Variants in TRAPPC9 observed in about 807,000 individuals in gnomAD.
The protein encoded by TRAPPC9 is trafficking protein particle complex subunit 9.
In TRAPPC9, 83 loss-of-function variants were observed where a neutral mutation model predicts 124.0. The observed-to-expected ratio is 0.67, with a 90% CI of 0.56 to 0.80. The LOEUF (loss-of-function observed/expected upper bound fraction) is 0.80, where lower values mean the gene tolerates loss of function less well. Among genes scored for constraint, TRAPPC9 ranks in the 30% least tolerant of loss-of-function variants. The pLI is 0.00. For missense variants in TRAPPC9, 1,302 were observed against 1,508.3 expected (o/e 0.86, Z 2.27); for synonymous variants, 638 against 617.5 (o/e 1.03, Z -0.49).
At chr8:139,804,084 G>GCACCACCACCACCACT (rs1347527243) in intron 21 of TRAPPC9, among the ~76,000 whole-genome samples, 1 of 130,504 alleles carries the variant, frequency 7.7e-6, no homozygotes, top group Admixed American at 7.6e-5. Flanking sequence ...CCACCACGAC[G>GCACCACCACCACCACT]CACCACCACC....
chr8:140,278,775 C>T (rs192032556), intron 14 of TRAPPC9, among the ~76,000 whole-genome samples: 1 of 152,344 alleles, frequency 6.6e-6, no homozygotes, highest in South Asian at 2.1e-4. Context: ...TGGGCACCCG[C>T]GACTCCCATC....
chr8:140,403,306 T>G (rs2069346392), intron 6 of TRAPPC9, among the ~76,000 whole-genome samples: 1 of 152,068 alleles, frequency 6.6e-6, no homozygotes. Context: ...GGCTCGCACC[T>G]GTAGTCCCGC....
chr8:140,269,156 A>G (rs2064793973), intron 15 of TRAPPC9, among the ~76,000 whole-genome samples: 1 of 152,174 alleles, frequency 6.6e-6, no homozygotes, highest in Admixed American at 6.5e-5. Context: ...ACCAAAAAAA[A>G]GTGAACTCTA....
intron 17 of TRAPPC9, among the ~76,000 whole-genome samples, chr8:140,028,517 C>A (rs1361475220): frequency 6.6e-6 from 1 of 152,234 alleles, no homozygotes; most frequent in Non-Finnish European, 1.5e-5. Flanking sequence ...AGGCTCAGAG[C>A]ACCCAGGAAG....
Position 139,987,992 on chromosome 8 carries a change from A to G in TRAPPC9, c.2810+734T>C, listed in dbSNP as rs567497937. 3.0e-4 allele frequency among the ~76,000 whole-genome samples: 45 copies of G among 152,088 alleles called. No homozygotes were observed. The South Asian group carries it at 8.9e-3, about 30-fold the overall frequency. Reference sequence around the variant, plus strand: ...GCCCTACAGAGACTGGGCTTGGGTGACTGTGCTCCCCTCCCGAAGGCCTGA... The same window carrying G: ...GCCCTACAGAGACTGGGCTTGGGTGGCTGTGCTCCCCTCCCGAAGGCCTGA... On this transcript the variant is annotated intron_variant, in intron 19 of 22. Transcript: ENST00000438773.
At chr8:139,977,842 G>A (rs975326433) in intron 19 of TRAPPC9, among the ~76,000 whole-genome samples, 4 of 151,654 alleles carry the variant, frequency 2.6e-5, no homozygotes, top group African/African-American at 4.8e-5. Flanking sequence ...CACCACGCCC[G>A]GCTAATTTTT....
chr8:140,392,671 GC>G (rs764580595), intron 7 of TRAPPC9, among the ~76,000 whole-genome samples: 5 of 152,222 alleles, frequency 3.3e-5, no homozygotes, highest in Non-Finnish European at 5.9e-5. Flanking sequence ...GAGAGAACCA[GC>G]ACGCCTCCCA....
chr8:140,166,017 A>G (rs1367436995), intron 17 of TRAPPC9, among the ~76,000 whole-genome samples: 4 of 152,044 alleles, frequency 2.6e-5, no homozygotes, highest in African/African-American at 9.7e-5. Flanking sequence ...TGCTGCCCAT[A>G]ACTCCTCCAG....
chr8:139,923,564 C>T (rs1296395631), intron 19 of TRAPPC9, among the ~76,000 whole-genome samples: 1 of 148,988 alleles, frequency 6.7e-6, no homozygotes, highest in Non-Finnish European at 1.5e-5. Flanking sequence ...TGGAAAAATT[C>T]TCCATCTGCT....
intron 21 of TRAPPC9, among the ~76,000 whole-genome samples, chr8:139,750,511 C>T (rs1476170990): frequency 1.3e-5 from 2 of 152,200 alleles, no homozygotes; most frequent in Admixed American, 1.3e-4. Flanking sequence ...CTGCATTGCA[C>T]CCCAGCATGA....
intron 5 of TRAPPC9, among the ~76,000 whole-genome samples, chr8:140,417,653 C>T (rs2069988292): frequency 1.3e-5 from 2 of 152,164 alleles, no homozygotes; most frequent in South Asian, 4.1e-4. Flanking sequence ...GACAGTGTAG[C>T]GATTCCTCAA....
chr8:140,227,955 T>A (rs1471910105), intron 16 of TRAPPC9, among the ~76,000 whole-genome samples: 16 of 152,170 alleles, frequency 1.1e-4, no homozygotes, highest in Non-Finnish European at 2.9e-5. Flanking sequence ...AAGGAATACA[T>A]TTCAGTCCCC....
chr8:140,136,136 C>A (rs1052543920), intron 17 of TRAPPC9, among the ~76,000 whole-genome samples: 7 of 152,022 alleles, frequency 4.6e-5, no homozygotes, highest in African/African-American at 1.7e-4. Context: ...ACATTCCCCA[C>A]GCCCTGCAAA....
chr8:139,842,315 T>G (rs572828666), intron 21 of TRAPPC9, among the ~76,000 whole-genome samples: 2 of 152,226 alleles, frequency 1.3e-5, no homozygotes, highest in East Asian at 3.8e-4. Context: ...GCTTCCCACC[T>G]GTGGAAACTT....
At chr8:139,987,792 C>T (rs890580456) in intron 19 of TRAPPC9, among the ~76,000 whole-genome samples, 6 of 152,154 alleles carry the variant, frequency 3.9e-5, no homozygotes, top group Admixed American at 1.3e-4. Flanking sequence ...TGAGGGGCTC[C>T]GCCATGGAAG....
intron 15 of TRAPPC9, among the ~76,000 whole-genome samples, chr8:140,259,340 A>G (rs967043215): frequency 2.6e-5 from 4 of 152,174 alleles, no homozygotes; most frequent in African/African-American, 9.7e-5. Flanking sequence ...AACACCATCC[A>G]GGTACCAAGC....
chr8:139,964,950 C>G (rs970650826), intron 19 of TRAPPC9, among the ~76,000 whole-genome samples: 2 of 152,210 alleles, frequency 1.3e-5, no homozygotes, highest in African/African-American at 4.8e-5. Context: ...CGTACCGAGC[C>G]TAACTGGGGC....
chr8:140,289,192 T>A (rs1408848886), intron 12 of TRAPPC9, among the ~76,000 whole-genome samples: 1 of 150,684 alleles, frequency 6.6e-6, no homozygotes, highest in Non-Finnish European at 1.5e-5. Flanking sequence ...TGTGTGTGTG[T>A]GTGTGTGTGT....
At chr8:140,280,740 C>T (rs997178653) in intron 14 of TRAPPC9, among the ~76,000 whole-genome samples, 1 of 152,054 alleles carries the variant, frequency 6.6e-6, no homozygotes. Context: ...AGCCTGATAC[C>T]CAGTTTTAAA....
Sources: allele counts gnomAD v4.1 joint callset (sites outside exome capture counted in the v4.1 genomes callset), GRCh38; gene constraint gnomAD v4.1.1; transcripts MANE v1.5; gene names NCBI Gene and HGNC (gene_info 2026-07-23, HGNC 2026-07-21).